The following ACSBG1 variants were observed in gnomAD, a reference collection of about 807,000 sequenced individuals.
ACSBG1 encodes long-chain-fatty-acid--CoA ligase ACSBG1.
ACSBG1 carries 39 observed loss-of-function variants against 80.2 expected under a neutral mutation model. That is an observed-to-expected ratio of 0.49 (90% CI 0.38 to 0.64). ACSBG1 has a LOEUF of 0.64. Ranked by LOEUF, ACSBG1 falls within the 30% of genes least tolerant of loss-of-function variation. The probability of loss-of-function intolerance (pLI) is 0.00; values close to 1 mark genes in which losing one functional copy is unlikely to be tolerated. For missense variants in ACSBG1, 828 were observed against 966.4 expected (o/e 0.86, Z 1.90); for synonymous variants, 392 against 379.5 (o/e 1.03, Z -0.38).
At chr15:78,229,074 CT>C (rs3973561) in intron 1 of ACSBG1, among the ~76,000 whole-genome samples, 94,881 of 146,776 alleles carry the variant, frequency 0.65, 30,708 homozygotes, top group Non-Finnish European at 0.73. Flanking sequence ...ATTATATTCC[CT>C]TTTTTTTTTT....
chr15:78,214,658 C>A (rs890967495), intron 1 of ACSBG1, among the ~76,000 whole-genome samples: 9 of 152,138 alleles, frequency 5.9e-5, no homozygotes, highest in African/African-American at 2.2e-4. Context: ...CTAGGCTGGT[C>A]TTGAACTCCT....
At chr15:78,205,704 A>G (rs1466526502) in intron 2 of ACSBG1, among the ~76,000 whole-genome samples, 1 of 152,234 alleles carries the variant, frequency 6.6e-6, no homozygotes, top group Non-Finnish European at 1.5e-5. Context: ...CTTCTTATTC[A>G]GGGCACAACT....
At chr15:78,197,502 T>C (rs573095095) in intron 2 of ACSBG1, among the ~76,000 whole-genome samples, 2 of 152,014 alleles carry the variant, frequency 1.3e-5, no homozygotes, top group Non-Finnish European at 2.9e-5. Flanking sequence ...GCGGATCACT[T>C]GAGGCCGGGA....
chr15:78,196,883 T>C (rs2075119253), intron 2 of ACSBG1, among the ~76,000 whole-genome samples: 2 of 150,668 alleles, frequency 1.3e-5, no homozygotes, highest in Non-Finnish European at 1.5e-5. Flanking sequence ...CTGGGCAACA[T>C]AGTGAGACCC....
chr15:78,212,300 G>A (rs544375037), intron 1 of ACSBG1, among the ~76,000 whole-genome samples: 42 of 152,292 alleles, frequency 2.8e-4, no homozygotes, highest in African/African-American at 9.9e-4. Context: ...TGTGGCTACT[G>A]CAAGGAGAAG....
At chr15:78,212,504 G>C (rs1229976451) in intron 1 of ACSBG1, 1 of 454,268 alleles carries the variant, frequency 2.2e-6, no homozygotes, top group Non-Finnish European at 4.4e-6. Context: ...TGGGAGACTG[G>C]CTGCGGGGCA....
chr15:78,207,439 CA>C (rs2075225769), intron 2 of ACSBG1, among the ~76,000 whole-genome samples: 1 of 152,106 alleles, frequency 6.6e-6, no homozygotes, highest in Non-Finnish European at 1.5e-5. Context: ...TAAAAGTGCA[CA>C]AAAGATGTAT....
At position 78,182,535 on chromosome 15, in the gene ACSBG1, C is replaced by T; in HGVS notation, c.825G>A (p.Gln275=). 2 of 1,614,182 alleles carry T rather than the reference C, an allele frequency of 1.2e-6. No homozygotes were observed. The highest frequency in any genetic ancestry group is 8.5e-7 in the Non-Finnish European group (1 of 1,180,024). ...DAIIDTQQPN[Q]CCVLVYTSGT... Reference sequence around the variant, plus strand: ...CGGAAGTGTAGACTAGCACACAGCACTGGTTGGGCTGCTGGGTGTCAATGA... The same window carrying T: ...CGGAAGTGTAGACTAGCACACAGCATTGGTTGGGCTGCTGGGTGTCAATGA... The change falls in exon 7 of 14, where the codon CAG becomes CAA. Residue 275 remains glutamine, a synonymous_variant. Coordinates refer to ENST00000258873, the MANE Select transcript of ACSBG1 (RefSeq NM_015162.5).
chr15:78,225,365 C>T (rs1428826216), intron 1 of ACSBG1, among the ~76,000 whole-genome samples: 1 of 150,048 alleles, frequency 6.7e-6, no homozygotes, highest in Non-Finnish European at 1.5e-5. Flanking sequence ...CACGGCATTG[C>T]ACTACAACCT....
chr15:78,198,637 C>T (rs1352915157), intron 2 of ACSBG1, among the ~76,000 whole-genome samples: 1 of 152,210 alleles, frequency 6.6e-6, no homozygotes. Flanking sequence ...CATGAGCCAC[C>T]GTGCCTGGCC....
intron 5 of ACSBG1, among the ~76,000 whole-genome samples, chr15:78,189,623 G>A (rs2075039082): frequency 6.6e-6 from 1 of 151,688 alleles, no homozygotes; most frequent in Non-Finnish European, 1.5e-5. Flanking sequence ...ACTGAACAAT[G>A]GGAACACATG....
chr15:78,178,711 C>T lies in ACSBG1; in HGVS notation c.1605G>A (p.Lys535=). 1 of 1,614,150 alleles carries T rather than the reference C, an allele frequency of 6.2e-7. No individual in the cohort carries two copies. Among genetic ancestry groups the T allele is most frequent in the South Asian group, 1.1e-5 (1 of 91,070 alleles). ...IFMGYLNMED[K]TCEAIDEEGW... is the part of the protein sequence containing the mutation. Reference sequence around the variant, plus strand: ...CTTCCTCGTCGATGGCCTCACAAGTCTTGTCCTCCATGTTCAGGTAGCCCA... The same window carrying T: ...CTTCCTCGTCGATGGCCTCACAAGTTTTGTCCTCCATGTTCAGGTAGCCCA... The change falls in exon 11 of 14, where the codon AAG becomes AAA. Residue 535 remains lysine (K), a synonymous_variant. Transcript: ENST00000258873. The surrounding 1 kb of genome is among the most constrained non-coding windows in gnomAD (Gnocchi z 4.3).
intron 1 of ACSBG1, among the ~76,000 whole-genome samples, chr15:78,225,571 C>A (rs924358219): frequency 6.6e-6 from 1 of 152,008 alleles, no homozygotes; most frequent in Non-Finnish European, 1.5e-5. Context: ...TCAAAGACCT[C>A]AATTAATGGA....
At chr15:78,211,359 C>T (rs1045172449) in intron 1 of ACSBG1, among the ~76,000 whole-genome samples, 3 of 152,314 alleles carry the variant, frequency 2.0e-5, no homozygotes, top group African/African-American at 4.8e-5. Flanking sequence ...CAGAGGTTGG[C>T]GGAAGTCACC....
Position 78,178,940 on chromosome 15 carries a change from TC to T in ACSBG1, c.1485-110del. The T allele has an allele frequency of 8.9e-7, 1 of 1,129,040 alleles. No homozygotes were observed. Among genetic ancestry groups the T allele is most frequent in the Non-Finnish European group, 1.2e-6 (1 of 814,638 alleles). 69.9% of individuals were successfully genotyped at this position (1,129,040 alleles called of 1,614,324 possible). ...GGTCTTCACTGATTGCTAGAAGGTA[TC>T]CCCTCACAGGGCTTTTGTATTTTTA... On this transcript the variant is annotated intron_variant, in intron 10 of 13. Transcript: ENST00000258873. The surrounding 1 kb of genome is among the most constrained non-coding windows in gnomAD (Gnocchi z 4.3).
chr15:78,193,682 T>TCCCCCCCCCCCCCCACAGGTGCC, intron 4 of ACSBG1, 56 bp from the exon 5 acceptor site: 1 of 1,560,276 alleles, frequency 6.4e-7, no homozygotes, highest in Non-Finnish European at 8.7e-7. Flanking sequence ...GCCACCCCCT[T>TCCCCCCCCCCCCCCACAGGTGCC]CCCCCACCCC....
Position 78,193,866 on chromosome 15 carries a change from G to C in ACSBG1, c.542+66C>G, listed in dbSNP as rs2075082664. ...GTGGGGGCTGCTAAAAAGAGATAAG[G>C]ACCCTCCCCTACCCTCTGCCCACTG... On this transcript the variant is annotated intron_variant, in intron 4 of 13. Coordinates refer to ENST00000258873, the MANE Select transcript of ACSBG1 (RefSeq NM_015162.5). 2.6e-6 allele frequency: 4 copies of C among 1,567,096 alleles called. No homozygotes were observed. The South Asian group carries it at 4.6e-5, about 18-fold the overall frequency.
At chr15:78,220,365 G>A (rs2075350738) in intron 1 of ACSBG1, among the ~76,000 whole-genome samples, 1 of 152,082 alleles carries the variant, frequency 6.6e-6, no homozygotes, top group Non-Finnish European at 1.5e-5. Flanking sequence ...TGCTAGAACT[G>A]TAAAAATATT....
At chr15:78,202,581 T>A (rs984085885) in intron 2 of ACSBG1, among the ~76,000 whole-genome samples, 2 of 152,110 alleles carry the variant, frequency 1.3e-5, no homozygotes, top group East Asian at 3.8e-4. Context: ...CCTGAAGCCA[T>A]CTGAACTCAT....
Sources: allele counts gnomAD v4.1 joint callset (sites outside exome capture counted in the v4.1 genomes callset), GRCh38; gene constraint gnomAD v4.1.1; non-coding constraint Gnocchi (gnomAD v3.1); transcripts MANE v1.5; gene names NCBI Gene and HGNC (gene_info 2026-07-23, HGNC 2026-07-21).